The following FAM3D variants were observed in gnomAD, a reference collection of about 807,000 sequenced individuals.
The protein encoded by FAM3D is protein FAM3D.
A neutral mutation model predicts 29.8 loss-of-function variants in FAM3D; 26 were observed. The observed-to-expected ratio is 0.87, with a 90% CI of 0.64 to 1.21. The LOEUF is 1.21. Ranked by LOEUF, FAM3D falls within the 50% of genes most tolerant of loss-of-function variation. The probability of loss-of-function intolerance (pLI) is 0.00; values close to 1 mark genes in which losing one functional copy is unlikely to be tolerated. For missense variants in FAM3D, 253 were observed against 290.9 expected, an observed-to-expected ratio of 0.87 and a Z score of 0.95; for synonymous variants, 115 against 102.3, an observed-to-expected ratio of 1.12 and a Z score of -0.75.
Position 58,649,495 on chromosome 3 carries a change from CACAT to C in FAM3D, c.122-161_122-158del, listed in dbSNP as rs957387502. On this transcript the variant is annotated intron_variant, in intron 3 of 9. Coordinates refer to ENST00000358781, the MANE Select transcript of FAM3D (RefSeq NM_138805.3). ...GCCTTGCCACTGTCACCCCTTCACA[CACAT>C]ACATACACACACAGCACACATATAC... 2.2e-4 allele frequency: 165 copies of C among 735,108 alleles called. No homozygotes were observed. In the African/African-American group the frequency reaches 2.7e-3, roughly 12 times the overall value. 45.5% of individuals were successfully genotyped at this position (735,108 alleles called of 1,614,324 possible).
chr3:58,650,272 T>C (rs1300490233), intron 3 of FAM3D, among the ~76,000 whole-genome samples: 1 of 152,130 alleles, frequency 6.6e-6, no homozygotes, highest in East Asian at 1.9e-4. Flanking sequence ...TCTGGAAATG[T>C]CCCTACCCCT....
At chr3:58,639,795 G>A (rs961912922) in intron 7 of FAM3D, among the ~76,000 whole-genome samples, 1 of 152,206 alleles carries the variant, frequency 6.6e-6, no homozygotes, top group Non-Finnish European at 1.5e-5. Flanking sequence ...GGATGGAGAT[G>A]GAGGAGGGCC....
In FAM3D at chr3:58,635,674, C is replaced by T. The variant is rs566962362; in HGVS notation, c.585+620G>A. ...CACCGGCCTCCTGCGTTCTTCACTGCGTTCAAGTAATTTCTAGTTACCCAA... is the reference window on the plus strand; with the variant it reads ...CACCGGCCTCCTGCGTTCTTCACTGTGTTCAAGTAATTTCTAGTTACCCAA... On this transcript the variant is annotated intron_variant, in intron 9 of 9. Coordinates refer to ENST00000358781, the MANE Select transcript of FAM3D (RefSeq NM_138805.3). The surrounding 1 kb of genome is among the most constrained non-coding windows in gnomAD (Gnocchi z 5.2). 3.9e-5 allele frequency among the ~76,000 whole-genome samples: 6 copies of T among 152,236 alleles called. No individual in the cohort carries two copies. The highest frequency in any genetic ancestry group is 9.6e-5 in the African/African-American group (4 of 41,452).
At position 58,635,722 on chromosome 3, in the gene FAM3D, G is replaced by A. The variant is rs764779609; in HGVS notation, c.585+572C>T. Among the ~76,000 whole-genome samples, 4 of 152,180 alleles carry A rather than the reference G, an allele frequency of 2.6e-5. No individual in the cohort carries two copies. The highest frequency in any genetic ancestry group is 2.1e-4 in the South Asian group (1 of 4,826). On this transcript the variant is annotated intron_variant, in intron 9 of 9. Coordinates refer to ENST00000358781, the MANE Select transcript of FAM3D (RefSeq NM_138805.3). This position sits in a 1 kb window ranked among gnomAD's most constrained non-coding sequence, Gnocchi z 5.2. ...CAAATACATCCTCTTAGAAACACAC[G>A]CATACAGACCAAGACCACATTTTCT...
At chr3:58,651,690 C>T (rs1437998413) in intron 3 of FAM3D, among the ~76,000 whole-genome samples, 1 of 152,092 alleles carries the variant, frequency 6.6e-6, no homozygotes, top group Non-Finnish European at 1.5e-5. Context: ...TCAATTACTG[C>T]CCCTCTCCCA....
chr3:58,643,010 C>T (rs934096688), intron 6 of FAM3D, among the ~76,000 whole-genome samples: 2 of 152,208 alleles, frequency 1.3e-5, no homozygotes, highest in Admixed American at 6.5e-5. Context: ...TCCTGGCCAG[C>T]GCCCACAATC....
In FAM3D at chr3:58,653,761, G is replaced by C; in HGVS notation, c.34C>G (p.Leu12Val). ...CATGTCGTGACTATGGCAAAGATGA[G>C]GGCCAGGAGGCGAAGCACACCTGCT... ...RVSGVLRLLALIFAIVTTWMF... is the reference protein window; with the variant it reads ...RVSGVLRLLAVIFAIVTTWMF... Residue 12 changes from leucine to valine, a missense_variant, in exon 3 of 10, where the codon CTC (leucine) becomes GTC (valine). Transcript: ENST00000358781. 6.2e-7 allele frequency: 1 copy of C among 1,613,824 alleles called. No homozygotes were observed. Among genetic ancestry groups the C allele is most frequent in the Non-Finnish European group, 8.5e-7 (1 of 1,180,032 alleles).
chr3:58,634,153 G>T lies in FAM3D; in HGVS notation c.*126C>A, dbSNP rs555274427. On this transcript the variant is annotated 3_prime_UTR_variant, in exon 10 of 10. Coordinates refer to ENST00000358781, the MANE Select transcript of FAM3D (RefSeq NM_138805.3). The surrounding 1 kb of genome is among the most constrained non-coding windows in gnomAD (Gnocchi z 4.6). The stretch of plus-strand genomic sequence containing the variant: ...GAGGAGGAGAGGCGCGACACAGCGT[G>T]CAAGGACCTGCAGCACCTTCCACGC... 5 of 779,342 alleles carry T rather than the reference G, an allele frequency of 6.4e-6. No homozygotes were observed. The East Asian group carries it at 1.0e-4, about 16-fold the overall frequency. 48.3% of individuals were successfully genotyped at this position (779,342 alleles called of 1,614,324 possible). A position where few individuals can be genotyped will look rare whatever the true frequency, so the allele number is the denominator to read the frequency against.
At chr3:58,636,638 C>T (rs1313654403) in intron 8 of FAM3D, among the ~76,000 whole-genome samples, 1 of 152,228 alleles carries the variant, frequency 6.6e-6, no homozygotes, top group Non-Finnish European at 1.5e-5. Context: ...TGTGTTAAAA[C>T]AGTACTGCTC....
At chr3:58,660,073 G>A (rs549714462) in intron 1 of FAM3D, among the ~76,000 whole-genome samples, 165 of 152,286 alleles carry the variant, frequency 1.1e-3, no homozygotes, top group African/African-American at 3.7e-3. Flanking sequence ...GCATGAGTGC[G>A]GGAGATGGAA....
At chr3:58,646,686 A>G (rs940564476) in intron 4 of FAM3D, among the ~76,000 whole-genome samples, 1 of 152,224 alleles carries the variant, frequency 6.6e-6, no homozygotes, top group Non-Finnish European at 1.5e-5. Context: ...GCATCTGGCC[A>G]AGGTCTGCCA....
intron 1 of FAM3D, among the ~76,000 whole-genome samples, chr3:58,659,174 G>A (rs2066884272): frequency 1.3e-5 from 2 of 152,310 alleles, no homozygotes; most frequent in South Asian, 4.1e-4. Context: ...GGGGTCCGCC[G>A]TCCTGGCAGG....
intron 2 of FAM3D, among the ~76,000 whole-genome samples, chr3:58,654,958 G>T (rs1284787156): frequency 6.6e-6 from 1 of 152,198 alleles, no homozygotes; most frequent in East Asian, 1.9e-4. Flanking sequence ...GTAACCCTAT[G>T]TGCTGGATAC....
chr3:58,648,456 G>A (rs1313295421), intron 4 of FAM3D, among the ~76,000 whole-genome samples: 1 of 151,942 alleles, frequency 6.6e-6, no homozygotes, highest in Middle Eastern at 3.2e-3. Flanking sequence ...TGGTGGAGGG[G>A]GTTTGACTTC....
intron 5 of FAM3D, among the ~76,000 whole-genome samples, chr3:58,644,332 C>T (rs4681698): frequency 0.3 from 45,666 of 152,040 alleles, 8,483 homozygotes; most frequent in East Asian, 0.47. Context: ...GTAATTGAAT[C>T]ATGGGGGCAG....
intron 3 of FAM3D, among the ~76,000 whole-genome samples, chr3:58,651,558 C>G (rs1393230612): frequency 6.6e-6 from 1 of 152,218 alleles, no homozygotes; most frequent in Non-Finnish European, 1.5e-5. Context: ...CATTGAGGGT[C>G]CCTGGGGCCA....
At chr3:58,658,799 G>A (rs567591000) in intron 1 of FAM3D, among the ~76,000 whole-genome samples, 2 of 152,266 alleles carry the variant, frequency 1.3e-5, no homozygotes, top group African/African-American at 4.8e-5. Flanking sequence ...GGAGAGAGAG[G>A]CTCTCTTCTC....
chr3:58,637,313 G>A, intron 7 of FAM3D, 88 bp from the exon 8 acceptor site: 1 of 1,244,456 alleles, frequency 8.0e-7, no homozygotes, highest in East Asian at 2.5e-5. Context: ...TGATGCAGGA[G>A]TCAGCTAGGC....
chr3:58,643,709 G>A lies in FAM3D; in HGVS notation c.275C>T (p.Pro92Leu), dbSNP rs1443449054. 11 of 1,614,000 alleles carry A rather than the reference G, an allele frequency of 6.8e-6. No individual in the cohort carries two copies. The highest frequency in any genetic ancestry group is 9.3e-6 in the Non-Finnish European group (11 of 1,180,030). ...GCCTCTGCCCACATTGTTTTTCACA[G>A]GACTCATGATCCTGAAGACAATGAA... Reference protein sequence around the residue: ...MCFEDRMIMSPVKNNVGRGLN... With the variant: ...MCFEDRMIMSLVKNNVGRGLN... The change falls in exon 6 of 10, where the codon CCT (proline) becomes CTT (leucine). Residue 92 changes from proline (P) to leucine (L), a missense_variant. By Grantham distance (98) the Pro-to-Leu change is moderately conservative. Transcript: ENST00000358781.
Sources: gnomAD v4.1 joint callset for allele counts (sites outside exome capture counted in the v4.1 genomes callset) on GRCh38, gnomAD v4.1.1 for gene constraint, Gnocchi (gnomAD v3.1) non-coding constraint, MANE v1.5 for transcripts, NCBI Gene and HGNC (gene_info 2026-07-23, HGNC 2026-07-21) for gene names.